The following ARHGEF2 variants were observed in gnomAD, a reference collection of about 807,000 sequenced individuals.
ARHGEF2 encodes the protein rho guanine nucleotide exchange factor 2.
A neutral mutation model predicts 121.0 loss-of-function variants in ARHGEF2; 22 were observed. The observed-to-expected ratio is 0.18, with a 90% CI of 0.13 to 0.26. ARHGEF2 has a LOEUF of 0.26. Among genes scored for constraint, ARHGEF2 ranks in the 10% least tolerant of loss-of-function variants. ARHGEF2 has a pLI of 1.00. For synonymous variants in ARHGEF2, 487 were observed against 530.0 expected (o/e 0.92, Z 1.11); for missense variants, 907 against 1,336.0 (o/e 0.68, Z 5.01).
chr1:155,954,333 G>C (rs555387196), intron 14 of ARHGEF2, among the ~76,000 whole-genome samples: 1 of 136,672 alleles, frequency 7.3e-6, no homozygotes, highest in East Asian at 2.1e-4. Context: ...GCCCAGGCTG[G>C]AGTGCAGTGG....
At chr1:155,977,597 G>A (rs1251776683) in intron 1 of ARHGEF2, among the ~76,000 whole-genome samples, 1 of 152,156 alleles carries the variant, frequency 6.6e-6, no homozygotes, top group East Asian at 1.9e-4. Flanking sequence ...AGAAGGAAGA[G>A]CTAGGAGGCT....
chr1:155,956,588 A>G lies in ARHGEF2; in HGVS notation c.1715+1125T>C, dbSNP rs186437405. 2.6e-5 allele frequency among the ~76,000 whole-genome samples: 4 copies of G among 152,018 alleles called. No individual in the cohort carries two copies. In the East Asian group the frequency reaches 7.8e-4, roughly 30 times the overall value. ...GTAATCTCAGCTCTTTTGGAGGCTG[A>G]GGTGGGCGGATAAATCTGAGATCAG... On this transcript the variant is annotated intron_variant, in intron 13 of 21. Transcript: ENST00000361247.
chr1:155,978,756 G>C, upstream of ARHGEF2: 1 of 819,542 alleles, frequency 1.2e-6, no homozygotes, highest in East Asian at 6.2e-5. This position sits in a 1 kb window ranked among gnomAD's most constrained non-coding sequence, Gnocchi z 4.1. Flanking sequence ...CAGCGCCTGG[G>C]GGCGCCCTCT....
intron 3 of ARHGEF2, 60 bp downstream of exon 3, chr1:155,966,760 T>G: frequency 5.4e-6 from 8 of 1,475,118 alleles, no homozygotes; most frequent in Non-Finnish European, 7.6e-6. Flanking sequence ...GGAAAAGGCA[T>G]GAGGGTACCG....
At chr1:155,970,291 C>T in intron 1 of ARHGEF2, 1 of 985,640 alleles carries the variant, frequency 1.0e-6, no homozygotes, top group Non-Finnish European at 1.2e-6. Context: ...CCATTTCCCC[C>T]AGTGCCCCTG....
chr1:155,979,262 C>T (rs1257460625), upstream of ARHGEF2: 5 of 985,592 alleles, frequency 5.1e-6, no homozygotes, highest in Non-Finnish European at 6.0e-6. Flanking sequence ...TGGGATTCTC[C>T]ACTTTTACCG....
Position 155,978,236 on chromosome 1 carries a change from G to GCCGATCCAC in ARHGEF2, c.63+120_63+128dup. ...CCCCACCCACCCCGTCCCGCCGCTC[G>GCCGATCCAC]CCGATCCACCGCTCCGCCCGATTTT... On this transcript the variant is annotated intron_variant, in intron 1 of 21. Transcript: ENST00000361247. This position sits in a 1 kb window ranked among gnomAD's most constrained non-coding sequence, Gnocchi z 4.1. 1.8e-6 allele frequency: 2 copies of GCCGATCCAC among 1,127,772 alleles called. No individual in the cohort carries two copies. Among genetic ancestry groups the GCCGATCCAC allele is most frequent in the Non-Finnish European group, 1.1e-6 (1 of 895,576 alleles). The allele number at this position is 1,127,772 out of a possible 1,614,324, so 69.9% of individuals were successfully genotyped here.
chr1:155,952,467 C>T (rs1051906166), intron 15 of ARHGEF2, among the ~76,000 whole-genome samples, 161 bp downstream of exon 15: 2 of 152,254 alleles, frequency 1.3e-5, no homozygotes, highest in Non-Finnish European at 2.9e-5. Context: ...CACCTCCTCC[C>T]CTGCCTTTCC....
Position 155,965,233 on chromosome 1 carries a change from C to A in ARHGEF2, c.580+70G>T. 3 of 1,604,336 alleles carry A rather than the reference C, an allele frequency of 1.9e-6. No homozygotes were observed. Among genetic ancestry groups the A allele is most frequent in the South Asian group, 1.1e-5 (1 of 90,750 alleles). ...TCCCTCCTTGTCCTTCCAGGCTACT[C>A]CCACCAGCCTCTCATCCCCCAGCCC... On this transcript the variant is annotated intron_variant, in intron 6 of 21. Coordinates refer to ENST00000361247, the MANE Select transcript of ARHGEF2 (RefSeq NM_001162383.2). This position sits in a 1 kb window ranked among gnomAD's most constrained non-coding sequence, Gnocchi z 6.0.
In ARHGEF2 at chr1:155,962,304, G is replaced by A; in HGVS notation, c.1102-82C>T. On this transcript the variant is annotated intron_variant, in intron 9 of 21. Coordinates refer to ENST00000361247, the MANE Select transcript of ARHGEF2 (RefSeq NM_001162383.2). The surrounding 1 kb of genome is among the most constrained non-coding windows in gnomAD (Gnocchi z 5.8). ...GGCCTGAGCTCTGGTGCTGGCCCTG[G>A]CGTGGCCATTTACCTCATGCTTGCC... 7.1e-7 allele frequency: 1 copy of A among 1,418,350 alleles called. No homozygotes were observed. Among genetic ancestry groups the A allele is most frequent in the Admixed American group, 1.8e-5 (1 of 54,398 alleles). 87.9% of individuals were successfully genotyped at this position (1,418,350 alleles called of 1,614,324 possible). A position where few individuals can be genotyped will look rare whatever the true frequency, so the allele number is the denominator to read the frequency against.
intron 7 of ARHGEF2, 66 bp downstream of exon 7, chr1:155,964,922 T>G (rs878880082): frequency 3.0e-4 from 414 of 1,360,416 alleles, no homozygotes; most frequent in African/African-American, 1.8e-3. Flanking sequence ...AAAAGAAAAA[T>G]AAAGAAGGAA....
Position 155,947,146 on chromosome 1 carries a change from C to T in ARHGEF2, c.*796G>A, listed in dbSNP as rs1458016017. The T allele has an allele frequency of 5.6e-6, 2 of 355,730 alleles. No individual in the cohort carries two copies. The highest frequency in any genetic ancestry group is 1.1e-5 in the Non-Finnish European group (2 of 180,114). 22.0% of individuals were successfully genotyped at this position (355,730 alleles called of 1,614,324 possible). ...TGAAGGCAGAAGTCATTCTCTCCCC[C>T]ACCCCTCAACTTCTTCAGAGATGTG... On this transcript the variant is annotated 3_prime_UTR_variant, in exon 22 of 22. Coordinates refer to ENST00000361247, the MANE Select transcript of ARHGEF2 (RefSeq NM_001162383.2).
intron 1 of ARHGEF2, among the ~76,000 whole-genome samples, chr1:155,974,218 G>A (rs921776549): frequency 2.6e-4 from 39 of 152,160 alleles, no homozygotes; most frequent in Admixed American, 9.2e-4. Context: ...TCTCAGGTAT[G>A]TCCAAATCAA....
chr1:155,965,862 C>T lies in ARHGEF2; in HGVS notation c.341-102G>A. On this transcript the variant is annotated intron_variant, in intron 4 of 21. Transcript: ENST00000361247. This position sits in a 1 kb window ranked among gnomAD's most constrained non-coding sequence, Gnocchi z 6.0. ...ATGAGGAATGAGGCATCCTCTCACTCCACCTCAGCCCCTCTAGTCAAGAAA... is the reference window on the plus strand; with the variant it reads ...ATGAGGAATGAGGCATCCTCTCACTTCACCTCAGCCCCTCTAGTCAAGAAA... 1.5e-6 allele frequency: 2 copies of T among 1,348,452 alleles called. No homozygotes were observed. Among genetic ancestry groups the T allele is most frequent in the Non-Finnish European group, 2.0e-6 (2 of 1,019,224 alleles). 83.5% of individuals were successfully genotyped at this position (1,348,452 alleles called of 1,614,324 possible).
intron 21 of ARHGEF2, among the ~76,000 whole-genome samples, chr1:155,949,497 T>A (rs1308704644): frequency 6.6e-6 from 1 of 151,604 alleles, no homozygotes; most frequent in African/African-American, 2.4e-5. Flanking sequence ...GGAGAATCAC[T>A]TGGACCTGGG....
At chr1:155,972,338 C>T (rs757669940) in intron 1 of ARHGEF2, 4 of 459,136 alleles carry the variant, frequency 8.7e-6, no homozygotes, top group South Asian at 6.2e-5. Context: ...TGGGCACTGC[C>T]CAGCAGCAAG....
rs77345976 is a variant in ARHGEF2, at chr1:155,951,747, C to G, written c.2202G>C (p.Pro734=). The change falls in exon 18 of 22, where the codon CCG becomes CCC. Residue 734 remains proline, a synonymous_variant. Coordinates refer to ENST00000361247, the MANE Select transcript of ARHGEF2 (RefSeq NM_001162383.2). The surrounding 1 kb of genome is among the most constrained non-coding windows in gnomAD (Gnocchi z 5.1). The stretch of plus-strand genomic sequence containing the variant: ...CCATCAATTCCCATCTCACCTCTTG[C>G]GGTGATCTCAGCTGATTTCCATTTC... The part of the protein sequence containing the change: ...RDRNGNQLRS[P]QEEALQRLVN... 1.2e-6 allele frequency: 2 copies of G among 1,613,928 alleles called. No individual in the cohort carries two copies. The highest frequency in any genetic ancestry group is 1.7e-6 in the Non-Finnish European group (2 of 1,180,032).
chr1:155,952,775 C>G lies in ARHGEF2; in HGVS notation c.1837G>C (p.Gly613Arg). Residue 613 changes from glycine (G) to arginine (R), a missense_variant, in exon 15 of 22, where the codon GGG becomes CGG. Gly to Arg is a moderately radical substitution (Grantham distance 125). Transcript: ENST00000361247. ...AAATGGGTCATCTCAGCAAACAGCCCGACCTTCTCTCGCAGCAGCTCCACC... is the reference window on the plus strand; with the variant it reads ...AAATGGGTCATCTCAGCAAACAGCCGGACCTTCTCTCGCAGCAGCTCCACC... ...ALVELLREKV[G>R]LFAEMTHFQA... 1 of 1,614,140 alleles carries G rather than the reference C, an allele frequency of 6.2e-7. No individual in the cohort carries two copies. Among genetic ancestry groups the G allele is most frequent in the Non-Finnish European group, 8.5e-7 (1 of 1,180,036 alleles).
chr1:155,962,301 C>T lies in ARHGEF2; in HGVS notation c.1102-79G>A, dbSNP rs1013529221. 4.2e-6 allele frequency: 6 copies of T among 1,425,850 alleles called. No homozygotes were observed. Among genetic ancestry groups the T allele is most frequent in the Admixed American group, 1.9e-5 (1 of 53,968 alleles). The allele number at this position is 1,425,850 out of a possible 1,614,324, so 88.3% of individuals were successfully genotyped here. On this transcript the variant is annotated intron_variant, in intron 9 of 21. Coordinates refer to ENST00000361247, the MANE Select transcript of ARHGEF2 (RefSeq NM_001162383.2). This position sits in a 1 kb window ranked among gnomAD's most constrained non-coding sequence, Gnocchi z 5.8. The stretch of plus-strand genomic sequence containing the variant: ...TGGGGCCTGAGCTCTGGTGCTGGCC[C>T]TGGCGTGGCCATTTACCTCATGCTT...
Sources: allele counts gnomAD v4.1 joint callset (sites outside exome capture counted in the v4.1 genomes callset), GRCh38; gene constraint gnomAD v4.1.1; non-coding constraint Gnocchi (gnomAD v3.1); transcripts MANE v1.5; gene names NCBI Gene and HGNC (gene_info 2026-07-23, HGNC 2026-07-21).